ADGRB3: variants seen among roughly 807,000 people sequenced by gnomAD.
ADGRB3 encodes the protein adhesion G protein-coupled receptor B3, also known as brain-specific angiogenesis inhibitor 3.
ADGRB3 carries 37 observed loss-of-function variants against 193.4 expected under a neutral mutation model. The observed-to-expected ratio is 0.19, with a 90% confidence interval of 0.15 to 0.25. The LOEUF is 0.25. Ranked by LOEUF, ADGRB3 falls within the 10% of genes least tolerant of loss-of-function variation. The probability of loss-of-function intolerance (pLI) is 1.00; values close to 1 mark genes in which losing one functional copy is unlikely to be tolerated. For missense variants in ADGRB3, 1,637 were observed against 1,852.9 expected, an observed-to-expected ratio of 0.88 and a Z score of 2.14; for synonymous variants, 690 against 644.2, an observed-to-expected ratio of 1.07 and a Z score of -1.08.
In ADGRB3 at chr6:68,661,538, CATATATATATATATAT is replaced by C. The variant is rs66836065; in HGVS notation, c.757+22124_757+22139del. Among the ~76,000 whole-genome samples the C allele has an allele frequency of 1.4e-4, 13 of 91,824 alleles. 2 individuals carry two copies. In the East Asian group the frequency reaches 3.2e-3, roughly 22 times the overall value. The allele number at this position is 91,824 out of a possible 152,430, so 60.2% of individuals were successfully genotyped here. On this transcript the variant is annotated intron_variant, in intron 3 of 31. Coordinates refer to ENST00000370598, the MANE Select transcript of ADGRB3 (RefSeq NM_001704.3). ...GTGTATACATATATATATGTGTATA[CATATATATATATATAT>C]ATATATATATATATATAGTTATGAC...
intron 17 of ADGRB3, among the ~76,000 whole-genome samples, chr6:69,134,390 C>T (rs147379774): frequency 3.0e-4 from 46 of 152,236 alleles, no homozygotes; most frequent in African/African-American, 9.6e-4. Flanking sequence ...GGCCACCACA[C>T]ATTACATTGT....
intron 17 of ADGRB3, among the ~76,000 whole-genome samples, chr6:69,082,708 G>A (rs1448748556): frequency 6.6e-6 from 1 of 151,818 alleles, no homozygotes; most frequent in Non-Finnish European, 1.5e-5. Flanking sequence ...ATTAAGCATA[G>A]TTATTTTGTA....
chr6:68,864,606 C>A (rs1455819226), intron 3 of ADGRB3, among the ~76,000 whole-genome samples: 1 of 152,062 alleles, frequency 6.6e-6, no homozygotes, highest in Admixed American at 6.5e-5. Context: ...ATAAACGACT[C>A]CTTTTGTGTA....
chr6:68,883,062 T>A (rs1765778452), intron 3 of ADGRB3, among the ~76,000 whole-genome samples: 1 of 151,948 alleles, frequency 6.6e-6, no homozygotes, highest in African/African-American at 2.4e-5. Flanking sequence ...ACCAGCTAAT[T>A]TTTTTGTATT....
chr6:69,323,460 A>T (rs1768505165), intron 20 of ADGRB3, among the ~76,000 whole-genome samples: 1 of 152,076 alleles, frequency 6.6e-6, no homozygotes, highest in Admixed American at 6.6e-5. Context: ...CTACTGCATT[A>T]TACCTGAGAC....
At chr6:69,318,065 T>G (rs1443855614) in intron 20 of ADGRB3, among the ~76,000 whole-genome samples, 1 of 151,486 alleles carries the variant, frequency 6.6e-6, no homozygotes, top group Non-Finnish European at 1.5e-5. Flanking sequence ...AATGTGTATC[T>G]TTATTTTTGT....
At chr6:69,297,558 C>T (rs3799081) in intron 20 of ADGRB3, among the ~76,000 whole-genome samples, 6 of 151,448 alleles carry the variant, frequency 4.0e-5, no homozygotes, top group African/African-American at 4.9e-5. Context: ...CTGGGGATTT[C>T]GGTGGGGGAG....
intron 8 of ADGRB3, among the ~76,000 whole-genome samples, chr6:68,968,124 TAA>T (rs3839457): frequency 1.3e-5 from 2 of 150,418 alleles, no homozygotes; most frequent in African/African-American, 2.4e-5. Context: ...CTATTTGCCT[TAA>T]AAAAAAAATG....
At chr6:69,385,061 C>G (rs1418828805) in intron 31 of ADGRB3, among the ~76,000 whole-genome samples, 2 of 149,956 alleles carry the variant, frequency 1.3e-5, no homozygotes, top group Non-Finnish European at 3.0e-5. Flanking sequence ...AAAGGGAAAC[C>G]AAAAAACCAT....
At chr6:68,954,784 A>G (rs917105960) in intron 6 of ADGRB3, among the ~76,000 whole-genome samples, 7 of 150,560 alleles carry the variant, frequency 4.6e-5, no homozygotes, top group Admixed American at 2.7e-4. Flanking sequence ...GGTTCACACC[A>G]TTCTCCTGCC....
intron 20 of ADGRB3, among the ~76,000 whole-genome samples, chr6:69,324,497 A>G (rs557374588): frequency 3.6e-4 from 55 of 152,170 alleles, no homozygotes; most frequent in Non-Finnish European, 6.5e-4. Flanking sequence ...AGAATAAAGA[A>G]TGTAGCCAAA....
chr6:68,916,367 GA>G (rs1239446804), intron 3 of ADGRB3, among the ~76,000 whole-genome samples: 1 of 152,122 alleles, frequency 6.6e-6, no homozygotes, highest in Non-Finnish European at 1.5e-5. Flanking sequence ...ATTGTTCAAT[GA>G]AAATAATCTT....
intron 3 of ADGRB3, among the ~76,000 whole-genome samples, chr6:68,927,027 G>T (rs1027339866): frequency 6.6e-6 from 1 of 152,102 alleles, no homozygotes. Context: ...TTGAGAAAAT[G>T]TGCCTAAACA....
At chr6:69,232,360 T>A in intron 17 of ADGRB3, 1 of 1,372,266 alleles carries the variant, frequency 7.3e-7, no homozygotes, top group Non-Finnish European at 9.5e-7. Context: ...GAACAAGACG[T>A]AGGTTGATAC....
intron 20 of ADGRB3, among the ~76,000 whole-genome samples, chr6:69,249,770 A>G (rs1324719155): frequency 6.6e-6 from 1 of 152,244 alleles, no homozygotes; most frequent in East Asian, 1.9e-4. Flanking sequence ...TAATAAAAAA[A>G]AATAAGCAGA....
intron 3 of ADGRB3, among the ~76,000 whole-genome samples, chr6:68,722,030 A>G (rs1167189196): frequency 6.6e-6 from 1 of 151,636 alleles, no homozygotes; most frequent in Non-Finnish European, 1.5e-5. Context: ...AGTTGTGTCT[A>G]CATTATTCAT....
At chr6:69,307,685 T>TC (rs1214144806) in intron 20 of ADGRB3, among the ~76,000 whole-genome samples, 2 of 151,460 alleles carry the variant, frequency 1.3e-5, no homozygotes, top group Non-Finnish European at 2.9e-5. Context: ...ACTTTTTTTT[T>TC]CTCCTGAGCC....
At chr6:69,342,040 A>G (rs1768985290) in intron 26 of ADGRB3, among the ~76,000 whole-genome samples, 1 of 152,156 alleles carries the variant, frequency 6.6e-6, no homozygotes, top group Non-Finnish European at 1.5e-5. Context: ...GTTTACATGA[A>G]GAAAAATACT....
intron 3 of ADGRB3, among the ~76,000 whole-genome samples, chr6:68,857,238 G>A (rs1765013817): frequency 6.6e-6 from 1 of 152,242 alleles, no homozygotes; most frequent in Non-Finnish European, 1.5e-5. Flanking sequence ...GCACTGCCTA[G>A]TGGAGCTGTG....
Sources: allele counts gnomAD v4.1 joint callset (sites outside exome capture counted in the v4.1 genomes callset), GRCh38; gene constraint gnomAD v4.1.1; transcripts MANE v1.5; gene names NCBI Gene and HGNC (gene_info 2026-07-23, HGNC 2026-07-21).